ZFYVE27: variants seen among roughly 807,000 people sequenced by gnomAD.
ZFYVE27 encodes zinc finger FYVE-type containing 27.
In ZFYVE27, 36 loss-of-function variants were observed where a neutral mutation model predicts 52.8. The ratio of observed to expected loss-of-function variants is 0.68; its 90% confidence interval spans 0.52 to 0.90. The LOEUF (loss-of-function observed/expected upper bound fraction) is 0.90, where lower values mean the gene tolerates loss of function less well. ZFYVE27 is among the 40% of genes least tolerant of loss of function. ZFYVE27 has a pLI of 0.00. For synonymous variants in ZFYVE27, 223 were observed against 215.6 expected (o/e 1.03, Z -0.30); for missense variants, 450 against 527.2 (o/e 0.85, Z 1.43).
intron 10 of ZFYVE27, 114 bp from the exon 11 acceptor site, chr10:97,757,151 C>G: frequency 6.7e-7 from 1 of 1,481,486 alleles, no homozygotes; most frequent in South Asian, 1.2e-5. Flanking sequence ...CTCACTGTGT[C>G]CAGCCAAGGA....
intron 2 of ZFYVE27, among the ~76,000 whole-genome samples, chr10:97,742,594 C>T (rs2044025570): frequency 6.6e-6 from 1 of 152,142 alleles, no homozygotes; most frequent in African/African-American, 2.4e-5. Flanking sequence ...CTCAGATAAA[C>T]TCTCAAATTT....
intron 9 of ZFYVE27, 80 bp downstream of exon 9, chr10:97,752,957 G>T: frequency 6.2e-7 from 1 of 1,612,954 alleles, no homozygotes; most frequent in Non-Finnish European, 8.5e-7. Context: ...CCTCGTGGGG[G>T]CTGCCGCGCA....
intron 2 of ZFYVE27, among the ~76,000 whole-genome samples, chr10:97,741,944 A>G (rs998881837): frequency 6.6e-6 from 1 of 152,030 alleles, no homozygotes; most frequent in Admixed American, 6.6e-5. Context: ...CAGCCTGGCC[A>G]ACATAGTGAA....
At chr10:97,750,897 C>T (rs572347445) in intron 7 of ZFYVE27, among the ~76,000 whole-genome samples, 4 of 152,102 alleles carry the variant, frequency 2.6e-5, no homozygotes, top group Admixed American at 6.5e-5. Context: ...GGTGCCACCA[C>T]GCCCAGCTAA....
rs1538723 is a variant in ZFYVE27 at position 97,752,715 on chromosome 10, T to C, written c.877-142T>C. ...TCCTCTTGTGGGGGGCGTCTGTCAA[T>C]GTCACCATTTGGGAAGTGCGCAGAG... On this transcript the variant is annotated intron_variant, in intron 8 of 12. Coordinates refer to ENST00000684270, the MANE Select transcript of ZFYVE27 (RefSeq NM_001385875.1). 637,153 of 935,580 alleles carry C rather than the reference T, an allele frequency of 0.68. 222,318 individuals carry two copies. The highest frequency in any genetic ancestry group is 0.73 in the Non-Finnish European group (436,780 of 600,986). 58.0% of individuals were successfully genotyped at this position (935,580 alleles called of 1,614,324 possible).
chr10:97,740,422 A>T (rs996765275), intron 2 of ZFYVE27, among the ~76,000 whole-genome samples: 3 of 152,236 alleles, frequency 2.0e-5, no homozygotes, highest in African/African-American at 7.2e-5. Context: ...TCTCAGCATG[A>T]TGTGAAGTTT....
At chr10:97,751,019 A>C (rs1259943777) in intron 7 of ZFYVE27, among the ~76,000 whole-genome samples, 1 of 152,224 alleles carries the variant, frequency 6.6e-6, no homozygotes, top group East Asian at 1.9e-4. Context: ...CTGGGATTAC[A>C]GGCGTGAGCC....
chr10:97,745,270 A>G (rs184017528), intron 4 of ZFYVE27, among the ~76,000 whole-genome samples: 3 of 151,280 alleles, frequency 2.0e-5, no homozygotes, highest in East Asian at 1.9e-4. Flanking sequence ...TCCGCCTTCC[A>G]TTGGTTTCAA....
intron 12 of ZFYVE27, chr10:97,758,061 T>C (rs114486828): frequency 0.026 from 5,261 of 199,548 alleles, 225 homozygotes; most frequent in African/African-American, 0.099. Context: ...TTTTAATCTT[T>C]TTCTTATTTC....
chr10:97,744,606 C>A, intron 3 of ZFYVE27, 123 bp from the exon 4 acceptor site: 1 of 1,117,020 alleles, frequency 9.0e-7, no homozygotes. Flanking sequence ...TCGTACAGAG[C>A]TATCAGGGAA....
chr10:97,748,791 A>T (rs769149308), intron 5 of ZFYVE27, among the ~76,000 whole-genome samples: 17 of 152,204 alleles, frequency 1.1e-4, no homozygotes, highest in Non-Finnish European at 1.8e-4. Flanking sequence ...ATTAATATAG[A>T]TGGCAAATAT....
chr10:97,755,197 A>G (rs896444598), intron 10 of ZFYVE27, among the ~76,000 whole-genome samples: 3 of 152,204 alleles, frequency 2.0e-5, no homozygotes, highest in African/African-American at 7.2e-5. Flanking sequence ...CTTCAAGACC[A>G]CTTGCTACTT....
At position 97,751,383 on chromosome 10, in the gene ZFYVE27, C is replaced by T; in HGVS notation, c.805-8C>T. On this transcript the variant is annotated splice_region_variant and splice_polypyrimidine_tract_variant and intron_variant, in intron 7 of 12. Transcript: ENST00000684270. Reference sequence around the variant, plus strand: ...CTTCTCCTTCTGTCATAGAGTCTCTCTTCCCAGGACCTCACACCGGGCAGC... The same window carrying T: ...CTTCTCCTTCTGTCATAGAGTCTCTTTTCCCAGGACCTCACACCGGGCAGC... 6.2e-7 allele frequency: 1 copy of T among 1,613,672 alleles called. No homozygotes were observed. Among genetic ancestry groups the T allele is most frequent in the Non-Finnish European group, 8.5e-7 (1 of 1,179,702 alleles).
chr10:97,754,313 CT>C (rs35784590), intron 10 of ZFYVE27, among the ~76,000 whole-genome samples: 77,856 of 130,548 alleles, frequency 0.6, 23,361 homozygotes, highest in Non-Finnish European at 0.71. Context: ...TTCAAGATCC[CT>C]TTTTTTTTTT....
chr10:97,748,637 G>A (rs1269463749), intron 5 of ZFYVE27, among the ~76,000 whole-genome samples: 1 of 152,188 alleles, frequency 6.6e-6, no homozygotes, highest in Non-Finnish European at 1.5e-5. Context: ...TGTTTTGCCT[G>A]CTAGAATTTG....
Position 97,753,129 on chromosome 10 carries a change from A to T in ZFYVE27, c.989A>T (p.Lys330Met), listed in dbSNP as rs1353194502. ...FLSKNEVLRS[K>M]VSRLTERLRK... is the part of the protein sequence containing the mutation. ...AGCAAGAATGAGGTGCTGCGCAGCA[A>T]GGTGTCTCGGCTCACGGAGCGGCTC... The change falls in exon 10 of 13, where the codon AAG becomes ATG. Residue 330 changes from lysine (K) to methionine (M), a missense_variant. Physicochemically the swap from Lys to Met is moderately conservative, Grantham distance 95 (BLOSUM62 -1). Transcript: ENST00000684270. 6.2e-7 allele frequency: 1 copy of T among 1,612,296 alleles called. No homozygotes were observed.
intron 10 of ZFYVE27, 75 bp from the exon 11 acceptor site, chr10:97,757,190 T>C: frequency 6.2e-7 from 1 of 1,608,378 alleles, no homozygotes; most frequent in South Asian, 1.1e-5. Flanking sequence ...AGTGTCCCAT[T>C]TAGAAGCGCC....
chr10:97,752,889 C>A lies in ZFYVE27; in HGVS notation c.897+12C>A, dbSNP rs372097585. 4 of 1,613,812 alleles carry A rather than the reference C, an allele frequency of 2.5e-6. No homozygotes were observed. The South Asian group carries it at 3.3e-5, about 13-fold the overall frequency. ...ACTTGGTGGTGCTGGTAAGTGGAAG[C>A]CTTGGTGGGTGGGCAGGGGCTGGGC... On this transcript the variant is annotated intron_variant, in intron 9 of 12. Coordinates refer to ENST00000684270, the MANE Select transcript of ZFYVE27 (RefSeq NM_001385875.1).
chr10:97,757,384 A>T, intron 11 of ZFYVE27, 73 bp downstream of exon 11: 1 of 1,604,918 alleles, frequency 6.2e-7, no homozygotes, highest in South Asian at 1.1e-5. Flanking sequence ...AGTTGAGGGG[A>T]GTCATTGAGA....
Sources: allele counts gnomAD v4.1 joint callset (sites outside exome capture counted in the v4.1 genomes callset), GRCh38; gene constraint gnomAD v4.1.1; transcripts MANE v1.5; gene names NCBI Gene and HGNC (gene_info 2026-07-23, HGNC 2026-07-21).